The following OR2L13 variants were observed in gnomAD, a reference collection of about 807,000 sequenced individuals.
OR2L13 encodes olfactory receptor family 2 subfamily L member 13.
A neutral mutation model predicts 15.3 loss-of-function variants in OR2L13; 14 were observed. The ratio of observed to expected loss-of-function variants is 0.91; its 90% CI spans 0.60 to 1.43. The LOEUF is 1.43. OR2L13 is among the 40% of genes most tolerant of loss of function. The pLI, the probability that OR2L13 is intolerant of heterozygous loss-of-function variation, is 0.00. For synonymous variants in OR2L13, 152 were observed against 142.9 expected, an observed-to-expected ratio of 1.06 and a Z score of -0.45; for missense variants, 367 against 387.9, an observed-to-expected ratio of 0.95 and a Z score of 0.45.
At chr1:248,067,559 G>A in the OR2L13 span, among the ~76,000 whole-genome samples, 197 of 152,338 alleles carry the variant, frequency 1.3e-3, no homozygotes, top group African/African-American at 4.4e-3. Flanking sequence ...AGCTCCCAGC[G>A]TGAGCGATGC....
chr1:248,092,557 C>T (rs983502455), upstream of OR2L13, among the ~76,000 whole-genome samples: 1 of 152,162 alleles, frequency 6.6e-6, no homozygotes, highest in African/African-American at 2.4e-5. Context: ...CATTAGAATA[C>T]ACACTCATCA....
the OR2L13 span, chr1:247,965,564 T>A: frequency 6.2e-7 from 1 of 1,605,724 alleles, no homozygotes; most frequent in Non-Finnish European, 8.5e-7. Context: ...TACTTTCTGC[T>A]CAGTCAGCTC....
the OR2L13 span, chr1:248,003,765 C>G: frequency 0.054 from 84,278 of 1,553,794 alleles, 3,426 homozygotes; most frequent in African/African-American, 0.3. Flanking sequence ...CCCTTCATTG[C>G]TATTTCATGT....
the OR2L13 span, among the ~76,000 whole-genome samples, chr1:248,071,493 G>C: frequency 2.6e-5 from 4 of 151,908 alleles, no homozygotes; most frequent in African/African-American, 9.7e-5. Flanking sequence ...AATAAGAGCT[G>C]TCTATGACAA....
chr1:248,086,486 G>T, the OR2L13 span, among the ~76,000 whole-genome samples: 1 of 152,140 alleles, frequency 6.6e-6, no homozygotes, highest in Non-Finnish European at 1.5e-5. Context: ...TCAGCACATT[G>T]TATCGGTCAG....
the OR2L13 span, among the ~76,000 whole-genome samples, chr1:247,957,488 C>T: frequency 1.3e-5 from 2 of 152,104 alleles, no homozygotes; most frequent in African/African-American, 4.8e-5. Context: ...CCCTCTTTTT[C>T]TATTGGTTGG....
chr1:248,009,676 A>G, the OR2L13 span, among the ~76,000 whole-genome samples: 1 of 152,090 alleles, frequency 6.6e-6, no homozygotes, highest in Non-Finnish European at 1.5e-5. Context: ...TGAGGACAGC[A>G]TCTCCCCAAC....
chr1:248,027,357 C>G, the OR2L13 span, among the ~76,000 whole-genome samples: 1 of 152,156 alleles, frequency 6.6e-6, no homozygotes. Flanking sequence ...TAATTTCGCC[C>G]CAGTCCTGTG....
chr1:248,027,353 C>T, the OR2L13 span, among the ~76,000 whole-genome samples: 7 of 152,172 alleles, frequency 4.6e-5, no homozygotes, highest in African/African-American at 9.7e-5. Flanking sequence ...ATTTTAATTT[C>T]GCCCCAGTCC....
the OR2L13 span, among the ~76,000 whole-genome samples, chr1:248,070,737 A>G: frequency 1.3e-5 from 2 of 152,162 alleles, no homozygotes; most frequent in Non-Finnish European, 2.9e-5. Context: ...AGCAAGACTA[A>G]TAAAGAAGAA....
At chr1:247,979,211 G>A in the OR2L13 span, among the ~76,000 whole-genome samples, 2 of 151,946 alleles carry the variant, frequency 1.3e-5, no homozygotes, top group Admixed American at 6.6e-5. Context: ...TGTGCATAAC[G>A]TGCAGGTTTG....
chr1:248,046,658 G>A, the OR2L13 span, among the ~76,000 whole-genome samples: 8 of 152,116 alleles, frequency 5.3e-5, no homozygotes, highest in African/African-American at 1.9e-4. Flanking sequence ...AATCCCCAGT[G>A]AATATCAGCA....
At chr1:247,969,792 G>C in the OR2L13 span, among the ~76,000 whole-genome samples, 1 of 151,676 alleles carries the variant, frequency 6.6e-6, no homozygotes, top group Non-Finnish European at 1.5e-5. Flanking sequence ...TTTTGTACCA[G>C]CAGCAAAAGC....
chr1:247,999,780 G>A, the OR2L13 span, among the ~76,000 whole-genome samples: 2 of 152,064 alleles, frequency 1.3e-5, no homozygotes, highest in Admixed American at 1.3e-4. Flanking sequence ...TGCAGATTCA[G>A]GTACAGACAG....
At chr1:248,010,763 G>GTTTTTTTTTTTTTTTT in the OR2L13 span, among the ~76,000 whole-genome samples, 25 of 44,478 alleles carry the variant, frequency 5.6e-4, no homozygotes, top group East Asian at 1.7e-3. Context: ...CTTTGTTGTT[G>GTTTTTTTTTTTTTTTT]TTTTTTTTTT....
chr1:248,036,330 C>CA, the OR2L13 span, among the ~76,000 whole-genome samples: 1 of 151,914 alleles, frequency 6.6e-6, no homozygotes, highest in African/African-American at 2.4e-5. Flanking sequence ...TCTTTAATTT[C>CA]AAAGAGTCAT....
At chr1:247,938,800 C>T in the OR2L13 span, among the ~76,000 whole-genome samples, 2 of 152,124 alleles carry the variant, frequency 1.3e-5, no homozygotes, top group East Asian at 1.9e-4. Context: ...TAACCACATA[C>T]CTAAAGTACT....
At chr1:248,075,876 G>T in the OR2L13 span, among the ~76,000 whole-genome samples, 4 of 152,168 alleles carry the variant, frequency 2.6e-5, no homozygotes, top group East Asian at 1.9e-4. Context: ...GTCAATTTTG[G>T]CTTTTGTTGC....
chr1:247,949,152 CAG>C, the OR2L13 span: 2 of 1,614,074 alleles, frequency 1.2e-6, no homozygotes, highest in Non-Finnish European at 8.5e-7. Context: ...GTGTGGGATT[CAG>C]AGTTTCTTCT....
Sources: gnomAD v4.1 joint callset for allele counts (sites outside exome capture counted in the v4.1 genomes callset) on GRCh38, gnomAD v4.1.1 for gene constraint, MANE v1.5 for transcripts, NCBI Gene and HGNC (gene_info 2026-07-23, HGNC 2026-07-21) for gene names.